POC1B: variants seen among roughly 807,000 people sequenced by gnomAD.
POC1B encodes POC1 centriolar protein B.
A neutral mutation model predicts 60.6 loss-of-function variants in POC1B; 44 were observed. The ratio of observed to expected loss-of-function variants is 0.73; its 90% confidence interval spans 0.57 to 0.93. The LOEUF is 0.93. Among genes scored for constraint, POC1B ranks in the 40% least tolerant of loss-of-function variants. The pLI is 0.00. For missense variants in POC1B, 555 were observed against 572.3 expected, an observed-to-expected ratio of 0.97 and a Z score of 0.31; for synonymous variants, 180 against 198.9, an observed-to-expected ratio of 0.90 and a Z score of 0.80.
At chr12:89,459,610 CAAAAAA>C in intron 10 of POC1B, 22 bp downstream of exon 10, 8 of 882,574 alleles carry the variant, frequency 9.1e-6, no homozygotes, top group Admixed American at 3.6e-5. Context: ...ACTTAAGTGT[CAAAAAA>C]AAAAAAAAAA....
At chr12:89,475,947 C>T (rs1435178843) in intron 4 of POC1B, among the ~76,000 whole-genome samples, 1 of 129,382 alleles carries the variant, frequency 7.7e-6, no homozygotes, top group Non-Finnish European at 1.6e-5. Flanking sequence ...GACAGGGTCA[C>T]CCAGGCTGGA....
In POC1B at chr12:89,469,523, G is replaced by C. The variant is rs550989699; in HGVS notation, c.810+838C>G. 1.8e-4 allele frequency among the ~76,000 whole-genome samples: 27 copies of C among 152,270 alleles called. No homozygotes were observed. In the South Asian group the frequency reaches 5.6e-3, roughly 32 times the overall value. On this transcript the variant is annotated intron_variant, in intron 7 of 11. Coordinates refer to ENST00000313546, the MANE Select transcript of POC1B (RefSeq NM_172240.3). ...ATGAGTCACAGGCAACACTAGACAA[G>C]GGCAGGTCTCCCCACAAGGAATATC... is the stretch of plus-strand genomic sequence containing the variant.
intron 4 of POC1B, among the ~76,000 whole-genome samples, chr12:89,474,014 G>A (rs1883010540): frequency 6.6e-6 from 1 of 152,058 alleles, no homozygotes; most frequent in African/African-American, 2.4e-5. Flanking sequence ...AGACCAGCCT[G>A]GACAACATGG....
rs190830293 is a variant in POC1B, at chr12:89,480,639, G to A, written c.453-8364C>T. On this transcript the variant is annotated intron_variant, in intron 4 of 11. Coordinates refer to ENST00000313546, the MANE Select transcript of POC1B (RefSeq NM_172240.3). Reference sequence around the variant, plus strand: ...TTTTTTGAGACGGAGTCTCACTGTCGCCCAGGCTGGAGTGCAGTGGCAAGA... The same window carrying A: ...TTTTTTGAGACGGAGTCTCACTGTCACCCAGGCTGGAGTGCAGTGGCAAGA... Among the ~76,000 whole-genome samples, 123 of 119,872 alleles carry A rather than the reference G, an allele frequency of 1.0e-3. 1 individual carries two copies. Among genetic ancestry groups the A allele is most frequent in the South Asian group, 5.3e-4 (2 of 3,756 alleles). The allele number at this position is 119,872 out of a possible 152,430, so 78.6% of individuals were successfully genotyped here.
At chr12:89,501,284 A>T in intron 2 of POC1B, 1 of 1,042,072 alleles carries the variant, frequency 9.6e-7, no homozygotes, top group East Asian at 2.4e-5. Context: ...ACAGAAAATG[A>T]CTGTAGATCT....
chr12:89,516,087 T>C (rs1432830510), intron 2 of POC1B, among the ~76,000 whole-genome samples: 1 of 152,186 alleles, frequency 6.6e-6, no homozygotes, highest in African/African-American at 2.4e-5. Flanking sequence ...TACTCCAAAG[T>C]GGTGCATGAT....
intron 2 of POC1B, among the ~76,000 whole-genome samples, chr12:89,504,047 C>T (rs1269836519): frequency 2.6e-5 from 4 of 152,204 alleles, no homozygotes; most frequent in Non-Finnish European, 5.9e-5. Context: ...CTCTGCCCGG[C>T]CGCCCCTTCT....
intron 10 of POC1B, among the ~76,000 whole-genome samples, chr12:89,454,965 G>A (rs761225606): frequency 6.6e-6 from 1 of 152,146 alleles, no homozygotes; most frequent in African/African-American, 2.4e-5. Context: ...GCAACTTAAA[G>A]ATTCTAAACT....
intron 4 of POC1B, among the ~76,000 whole-genome samples, chr12:89,476,759 T>TAGACAGACAGACAGATAGAC (rs1883137112): frequency 1.0e-4 from 6 of 58,582 alleles, no homozygotes; most frequent in African/African-American, 3.1e-4. Context: ...GATAGATAGA[T>TAGACAGACAGACAGATAGAC]AGACAGACAG....
chr12:89,448,827 G>A (rs1247022194), intron 10 of POC1B, among the ~76,000 whole-genome samples: 1 of 152,174 alleles, frequency 6.6e-6, no homozygotes, highest in Non-Finnish European at 1.5e-5. Context: ...GATGAAGTCT[G>A]GTGTGTGCCA....
the POC1B span, among the ~76,000 whole-genome samples, chr12:89,412,114 T>C: frequency 6.6e-6 from 1 of 152,216 alleles, no homozygotes; most frequent in South Asian, 2.1e-4. Flanking sequence ...GTAGTGATAG[T>C]GTTTCATCAG....
At chr12:89,469,973 T>C (rs1409711724) in intron 7 of POC1B, among the ~76,000 whole-genome samples, 4 of 152,122 alleles carry the variant, frequency 2.6e-5, no homozygotes, top group African/African-American at 9.7e-5. Context: ...GTTCAAGTGA[T>C]GCCCCTGCCT....
chr12:89,446,795 G>A (rs1346097024), intron 10 of POC1B, among the ~76,000 whole-genome samples: 2 of 151,888 alleles, frequency 1.3e-5, no homozygotes, highest in African/African-American at 4.8e-5. Context: ...GGATGAAACA[G>A]CTAGAACATG....
chr12:89,435,150 G>C (rs1881200502), intron 10 of POC1B, among the ~76,000 whole-genome samples: 2 of 150,102 alleles, frequency 1.3e-5, no homozygotes, highest in Admixed American at 1.3e-4. Flanking sequence ...AAAAACTGTG[G>C]CATAAAAATC....
intron 10 of POC1B, among the ~76,000 whole-genome samples, chr12:89,435,065 T>A (rs1290877852): frequency 6.6e-6 from 1 of 151,706 alleles, no homozygotes; most frequent in African/African-American, 2.4e-5. Context: ...CAATCTAACA[T>A]CAAACAATTA....
intron 10 of POC1B, among the ~76,000 whole-genome samples, chr12:89,458,028 T>C (rs1256909095): frequency 6.6e-6 from 1 of 152,208 alleles, no homozygotes; most frequent in Admixed American, 6.5e-5. Context: ...CTGTCAAAAC[T>C]GTCTGGATTC....
At chr12:89,461,687 G>C (rs934824561) in intron 9 of POC1B, 2 of 152,152 alleles carry the variant, frequency 1.3e-5, no homozygotes, top group Non-Finnish European at 2.9e-5. Flanking sequence ...TCCAGCCAGT[G>C]TGTTAAAGGG....
chr12:89,524,513 G>A, intron 2 of POC1B: 1 of 1,612,078 alleles, frequency 6.2e-7, no homozygotes, highest in African/African-American at 1.3e-5. Context: ...GCCAGCAGCA[G>A]GCAGCTCTTG....
At chr12:89,495,016 CTG>C (rs201117570) in intron 3 of POC1B, among the ~76,000 whole-genome samples, 2 of 152,330 alleles carry the variant, frequency 1.3e-5, no homozygotes, top group East Asian at 3.9e-4. Flanking sequence ...GGTTTTGTGA[CTG>C]TCATACAGCA....
Sources: allele counts gnomAD v4.1 joint callset (sites outside exome capture counted in the v4.1 genomes callset), GRCh38; gene constraint gnomAD v4.1.1; transcripts MANE v1.5; gene names NCBI Gene and HGNC (gene_info 2026-07-23, HGNC 2026-07-21).